The following PIGZ variants were observed in gnomAD, a reference collection of about 807,000 sequenced individuals.
PIGZ encodes the protein phosphatidylinositol glycan anchor biosynthesis class Z (Gwada blood group).
Under a neutral mutation model 16.4 loss-of-function variants are expected in PIGZ, and 16 were observed. The ratio of observed to expected loss-of-function variants is 0.97; its 90% CI spans 0.66 to 1.48. The LOEUF is 1.48. Among genes scored for constraint, PIGZ ranks in the 40% most tolerant of loss-of-function variants. The pLI is 0.00. For missense variants in PIGZ, 770 were observed against 739.2 expected, an observed-to-expected ratio of 1.04 and a Z score of -0.48; for synonymous variants, 409 against 338.4, an observed-to-expected ratio of 1.21 and a Z score of -2.29.
At chr3:196,960,737 G>GAAAGAAAGAAAGAA (rs772698961) in intron 1 of PIGZ, among the ~76,000 whole-genome samples, 21 of 140,504 alleles carry the variant, frequency 1.5e-4, no homozygotes, top group Admixed American at 5.2e-4. Flanking sequence ...AAGAAAGAAA[G>GAAAGAAAGAAAGAA]AGAAAGAAAG....
rs568412671 is a variant in PIGZ at position 196,968,111 on chromosome 3, G to C, written c.-1+576C>G. ...GGAGCGCTGGGTGCTCCCTGGCAGG[G>C]TCACCTTTGCTTTTTGCGCGCCCCC... On this transcript the variant is annotated intron_variant, in intron 1 of 2. Coordinates refer to ENST00000412723, the MANE Select transcript of PIGZ (RefSeq NM_025163.4). Among the ~76,000 whole-genome samples, 4 of 152,344 alleles carry C rather than the reference G, an allele frequency of 2.6e-5. No homozygotes were observed. In the East Asian group the frequency reaches 7.7e-4, roughly 29 times the overall value.
Position 196,951,927 on chromosome 3 carries a change from C to T in PIGZ, c.105G>A (p.Arg35=), listed in dbSNP as rs777109049. 6.2e-7 allele frequency: 1 copy of T among 1,614,170 alleles called. No individual in the cohort carries two copies. The highest frequency in any genetic ancestry group is 2.2e-5 in the East Asian group (1 of 44,882). Residue 35 remains arginine, a synonymous_variant, in exon 2 of 3, where the codon AGG becomes AGA. Coordinates refer to ENST00000412723, the MANE Select transcript of PIGZ (RefSeq NM_025163.4). ...WQQLDLKMAV[R]VLWGGLSLLR... is the part of the protein sequence containing the mutation. ...GCAGGCTGAGACCACCCCAAAGCAC[C>T]CTGACTGCCATCTTCAGATCCAGTT...
At chr3:196,963,520 C>G (rs538097811) in intron 1 of PIGZ, among the ~76,000 whole-genome samples, 7 of 152,344 alleles carry the variant, frequency 4.6e-5, no homozygotes, top group African/African-American at 1.2e-4. Flanking sequence ...TTTGCACCTG[C>G]ATTTCTCTTT....
In PIGZ at chr3:196,947,006, A is replaced by T; in HGVS notation, c.*151T>A. On this transcript the variant is annotated 3_prime_UTR_variant, in exon 3 of 3. Transcript: ENST00000412723. ...AGTGCCAGCTCACCCAGAAGGCAGA[A>T]CAGCTAACAGCCATGCCCAGGAGAG... 1 of 638,606 alleles carries T rather than the reference A, an allele frequency of 1.6e-6. No individual in the cohort carries two copies. The highest frequency in any genetic ancestry group is 2.6e-6 in the Non-Finnish European group (1 of 387,082). The allele number at this position is 638,606 out of a possible 1,614,324, so 39.6% of individuals were successfully genotyped here. A position where few individuals can be genotyped will look rare whatever the true frequency, so the allele number is the denominator to read the frequency against.
In PIGZ at chr3:196,947,361, A is replaced by T. The variant is rs201995542; in HGVS notation, c.1536T>A (p.Gly512=). The T allele has an allele frequency of 1.4e-5, 22 of 1,613,230 alleles. No individual in the cohort carries two copies. Among genetic ancestry groups the T allele is most frequent in the Non-Finnish European group, 1.8e-5 (21 of 1,179,942 alleles). ...CAAAGAGGCGGCAGAGCCATGGCCC[A>T]CCAGCCACTTGGCAGGCTGGTTGTC... ...FTRQPACQVA[G]GPWLCRLFVV... The change falls in exon 3 of 3, where the codon GGT becomes GGA. Residue 512 remains glycine (G), a synonymous_variant. Transcript: ENST00000412723.
intron 1 of PIGZ, among the ~76,000 whole-genome samples, chr3:196,966,035 C>A (rs969452542): frequency 5.3e-5 from 8 of 152,208 alleles, no homozygotes; most frequent in Non-Finnish European, 1.0e-4. Flanking sequence ...CTTCCAGTGT[C>A]CCCTTCCCGC....
intron 1 of PIGZ, 126 bp from the exon 2 acceptor site, chr3:196,952,157 C>T: frequency 1.1e-6 from 1 of 902,358 alleles, no homozygotes; most frequent in Non-Finnish European, 1.7e-6. Context: ...ACTTCATACT[C>T]TATGCCCACT....
At chr3:196,960,737 G>GCGAA (rs1553839868) in intron 1 of PIGZ, among the ~76,000 whole-genome samples, 3 of 140,394 alleles carry the variant, frequency 2.1e-5, no homozygotes, top group Non-Finnish European at 4.6e-5. Context: ...AAGAAAGAAA[G>GCGAA]AGAAAGAAAG....
rs1345819737 is a variant in PIGZ at position 196,965,104 on chromosome 3, T to C, written c.-1+3583A>G. 1.3e-5 allele frequency among the ~76,000 whole-genome samples: 2 copies of C among 152,182 alleles called. No individual in the cohort carries two copies. The highest frequency in any genetic ancestry group is 6.5e-5 in the Admixed American group (1 of 15,288). On this transcript the variant is annotated intron_variant, in intron 1 of 2. Coordinates refer to ENST00000412723, the MANE Select transcript of PIGZ (RefSeq NM_025163.4). This position sits in a 1 kb window ranked among gnomAD's most constrained non-coding sequence, Gnocchi z 4.2. ...ACAGCAATGAGGAAACTACCATGTATTAGTGTCCCACACTCCTGGTACCAA... is the reference window on the plus strand; with the variant it reads ...ACAGCAATGAGGAAACTACCATGTACTAGTGTCCCACACTCCTGGTACCAA...
At chr3:196,962,256 A>C (rs1717749755) in intron 1 of PIGZ, among the ~76,000 whole-genome samples, 1 of 152,188 alleles carries the variant, frequency 6.6e-6, no homozygotes, top group African/African-American at 2.4e-5. Context: ...CTTTGTTAAC[A>C]ATGTGTTTGA....
chr3:196,951,169 C>A (rs150865531), intron 2 of PIGZ, among the ~76,000 whole-genome samples: 13 of 152,194 alleles, frequency 8.5e-5, no homozygotes, highest in Admixed American at 1.3e-4. Flanking sequence ...AAAAAGCATG[C>A]GCCCTTCAAA....
intron 1 of PIGZ, among the ~76,000 whole-genome samples, chr3:196,964,720 G>A (rs335819): frequency 0.78 from 118,063 of 152,102 alleles, 46,326 homozygotes; most frequent in East Asian, 0.91. Flanking sequence ...TTTAATTATG[G>A]GAAGTCTATA....
At chr3:196,961,673 T>C (rs1266643299) in intron 1 of PIGZ, among the ~76,000 whole-genome samples, 1 of 152,228 alleles carries the variant, frequency 6.6e-6, no homozygotes, top group African/African-American at 2.4e-5. Flanking sequence ...AGGTCAGCCT[T>C]GATGCTGCCT....
At chr3:196,960,678 G>GAA (rs1317479501) in intron 1 of PIGZ, among the ~76,000 whole-genome samples, 5 of 122,736 alleles carry the variant, frequency 4.1e-5, no homozygotes, top group African/African-American at 1.5e-4. Context: ...CAAAAAAAAA[G>GAA]AAAAAAGATG....
intron 2 of PIGZ, among the ~76,000 whole-genome samples, chr3:196,951,225 G>A (rs1220443377): frequency 1.3e-5 from 2 of 152,202 alleles, no homozygotes; most frequent in African/African-American, 2.4e-5. Flanking sequence ...TTTGTTGGCT[G>A]GAAAGACTGC....
chr3:196,948,203 C>G lies in PIGZ; in HGVS notation c.694G>C (p.Ala232Pro), dbSNP rs1302091921. The part of the protein sequence containing the change: ...AGFFNRPTFL[A>P]FAVVPLYLWG... Reference sequence around the variant, plus strand: ...AGGTAGAGGGGGACCACAGCAAAGGCCAGAAAGGTGGGCCGGTTGAAGAAG... The same window carrying G: ...AGGTAGAGGGGGACCACAGCAAAGGGCAGAAAGGTGGGCCGGTTGAAGAAG... Residue 232 changes from alanine (A) to proline (P), a missense_variant, in exon 3 of 3, where the codon GCC (alanine) becomes CCC (proline). By Grantham distance (27) the Ala-to-Pro change is conservative (BLOSUM62 -1). Transcript: ENST00000412723. 1.9e-6 allele frequency: 3 copies of G among 1,614,022 alleles called. No homozygotes were observed. The highest frequency in any genetic ancestry group is 2.5e-6 in the Non-Finnish European group (3 of 1,180,026).
chr3:196,957,673 C>G (rs1250895512), intron 1 of PIGZ, among the ~76,000 whole-genome samples: 1 of 152,174 alleles, frequency 6.6e-6, no homozygotes, highest in Non-Finnish European at 1.5e-5. Context: ...AGCCACTGTG[C>G]CCGGCCAAAT....
In PIGZ at chr3:196,965,851, T is replaced by A. The variant is rs117638949; in HGVS notation, c.-1+2836A>T. 7.8e-3 allele frequency among the ~76,000 whole-genome samples: 1,189 copies of A among 152,264 alleles called. 7 individuals carry two copies. Among genetic ancestry groups the A allele is most frequent in the East Asian group, 0.025 (131 of 5,178 alleles). On this transcript the variant is annotated intron_variant, in intron 1 of 2. Coordinates refer to ENST00000412723, the MANE Select transcript of PIGZ (RefSeq NM_025163.4). The surrounding 1 kb of genome is among the most constrained non-coding windows in gnomAD (Gnocchi z 4.2). ...GTAAGAAGCATGACCTGGAGTAGAC[T>A]GCACCGCCATCCGCCTCTCCACTTT...
intron 2 of PIGZ, among the ~76,000 whole-genome samples, chr3:196,950,381 C>T (rs1034462471): frequency 2.6e-5 from 4 of 152,242 alleles, no homozygotes; most frequent in African/African-American, 7.2e-5. Context: ...TGTGCCCCAA[C>T]GTCCCAGAGC....
Sources: gnomAD v4.1 joint callset for allele counts (sites outside exome capture counted in the v4.1 genomes callset) on GRCh38, gnomAD v4.1.1 for gene constraint, Gnocchi (gnomAD v3.1) non-coding constraint, MANE v1.5 for transcripts, NCBI Gene and HGNC (gene_info 2026-07-23, HGNC 2026-07-21) for gene names.